The following TPO variants were observed in gnomAD, a reference collection of about 807,000 sequenced individuals.
The protein encoded by TPO is thyroid peroxidase, also known as thyroid microsomal antigen.
Under a neutral mutation model 96.9 loss-of-function variants are expected in TPO, and 78 were observed. That is an observed-to-expected ratio of 0.81 (90% confidence interval 0.67 to 0.97). The LOEUF (loss-of-function observed/expected upper bound fraction) is 0.97. Among genes scored for constraint, TPO ranks in the 50% least tolerant of loss-of-function variants. TPO has a pLI of 0.00. For missense variants in TPO, 1,252 were observed against 1,274.8 expected, an observed-to-expected ratio of 0.98 and a Z score of 0.27; for synonymous variants, 547 against 538.0, an observed-to-expected ratio of 1.02 and a Z score of -0.23.
intron 3 of TPO, among the ~76,000 whole-genome samples, chr2:1,425,610 G>C (rs1290132743): frequency 1.3e-5 from 2 of 152,094 alleles, no homozygotes; most frequent in Non-Finnish European, 2.9e-5. Context: ...TAGATGCCAG[G>C]ATACAGAGAT....
intron 15 of TPO, among the ~76,000 whole-genome samples, chr2:1,536,649 C>CA (rs1271109250): frequency 1.2e-5 from 1 of 82,664 alleles, no homozygotes; most frequent in African/African-American, 4.5e-5. Context: ...AATCCCCCCC[C>CA]CCACTGTGTG....
intron 3 of TPO, among the ~76,000 whole-genome samples, chr2:1,426,532 G>T (rs889777772): frequency 2.0e-5 from 3 of 151,266 alleles, no homozygotes; most frequent in African/African-American, 4.9e-5. Context: ...TAAAGTCATT[G>T]TTCTAGATGC....
intron 2 of TPO, among the ~76,000 whole-genome samples, chr2:1,418,035 C>T (rs1224281055): frequency 6.6e-6 from 1 of 152,342 alleles, no homozygotes; most frequent in East Asian, 1.9e-4. Flanking sequence ...GCAATCCCAA[C>T]ACTTTGGGAG....
chr2:1,497,991 C>CAA (rs543921082), intron 13 of TPO, among the ~76,000 whole-genome samples: 28,348 of 86,850 alleles, frequency 0.33, 4,055 homozygotes, highest in Non-Finnish European at 0.36. Context: ...CCCCATCTAC[C>CAA]AAAAAAAAAA....
intron 3 of TPO, among the ~76,000 whole-genome samples, chr2:1,430,619 A>G (rs116577847): frequency 6.6e-6 from 1 of 152,196 alleles, no homozygotes; most frequent in African/African-American, 2.4e-5. Context: ...CAAGTGCTCA[A>G]CTCCAACCCA....
chr2:1,460,250 C>A (rs1668296114), intron 7 of TPO, among the ~76,000 whole-genome samples: 1 of 152,108 alleles, frequency 6.6e-6, no homozygotes. Context: ...TGTTATTCTT[C>A]ACCACTCAGG....
chr2:1,405,937 C>G (rs1015647053), intron 1 of TPO, among the ~76,000 whole-genome samples: 1 of 152,214 alleles, frequency 6.6e-6, no homozygotes, highest in African/African-American at 2.4e-5. Context: ...TCTACAGTCA[C>G]CACAATACAA....
At chr2:1,446,187 G>C (rs1008048558) in intron 5 of TPO, among the ~76,000 whole-genome samples, 1 of 152,166 alleles carries the variant, frequency 6.6e-6, no homozygotes, top group Non-Finnish European at 1.5e-5. Context: ...CCTAGGTTTT[G>C]ACATCTACCC....
intron 8 of TPO, among the ~76,000 whole-genome samples, chr2:1,483,337 G>C (rs1459368547): frequency 6.6e-6 from 1 of 152,244 alleles, no homozygotes; most frequent in East Asian, 1.9e-4. Context: ...AGAAGGGGAA[G>C]AGGTGTCTTC....
At position 1,506,391 on chromosome 2, in the gene TPO, G is replaced by A. The variant is rs1431795981; in HGVS notation, c.2518+2312G>A. Among the ~76,000 whole-genome samples, 15 of 152,248 alleles carry A rather than the reference G, an allele frequency of 9.9e-5. No individual in the cohort carries two copies. The South Asian group carries it at 1.0e-3, about 11-fold the overall frequency. ...CAGCATGATTTATAGTCCTTTGGGT[G>A]TATACCCAGTAATGGGATTGCTGGG... On this transcript the variant is annotated intron_variant, in intron 14 of 16. Coordinates refer to ENST00000329066, the MANE Select transcript of TPO (RefSeq NM_001206744.2).
intron 2 of TPO, 76 bp downstream of exon 2, chr2:1,414,578 G>A (rs1329463420): frequency 7.2e-7 from 1 of 1,392,024 alleles, no homozygotes; most frequent in Non-Finnish European, 1.0e-6. Flanking sequence ...AGGGCATAAT[G>A]GTAGCTCCTG....
Position 1,456,101 on chromosome 2 carries a change from T to A in TPO, c.638T>A (p.Ile213Asn). The A allele has an allele frequency of 1.2e-6, 2 of 1,614,000 alleles. No individual in the cohort carries two copies. Among genetic ancestry groups the A allele is most frequent in the Non-Finnish European group, 1.7e-6 (2 of 1,180,020 alleles). Residue 213 changes from isoleucine (I) to asparagine (N), a missense_variant, in exon 7 of 17, where the codon ATT (isoleucine) becomes AAT (asparagine). Physicochemically the swap from Ile to Asn is moderately radical, Grantham distance 149 (BLOSUM62 -3). Transcript: ENST00000329066. ...GTCCGGGAGGTGACAAGACATGTCATTCAAGTTTCAAATGAGGTTGTCACA... is the reference window on the plus strand; with the variant it reads ...GTCCGGGAGGTGACAAGACATGTCAATCAAGTTTCAAATGAGGTTGTCACA... ...PPVREVTRHV[I>N]QVSNEVVTDD...
intron 15 of TPO, among the ~76,000 whole-genome samples, chr2:1,524,986 CT>C (rs1676102726): frequency 8.0e-6 from 1 of 124,306 alleles, no homozygotes; most frequent in Non-Finnish European, 1.7e-5. Flanking sequence ...TGTGTGCAAC[CT>C]CCCCAAATCC....
chr2:1,448,536 C>T lies in TPO; in HGVS notation c.483-5158C>T, dbSNP rs1300545642. On this transcript the variant is annotated intron_variant, in intron 5 of 16. Coordinates refer to ENST00000329066, the MANE Select transcript of TPO (RefSeq NM_001206744.2). ...GGCAGCACTTGTCAGGCTCCTTGCA[C>T]GCTGTCCACAGCCGGCCATCGTAAG... 2.0e-5 allele frequency among the ~76,000 whole-genome samples: 3 copies of T among 152,206 alleles called. No individual in the cohort carries two copies. In the South Asian group the frequency reaches 6.2e-4, roughly 31 times the overall value.
chr2:1,499,463 T>C (rs1185239691), intron 13 of TPO, among the ~76,000 whole-genome samples: 10 of 152,116 alleles, frequency 6.6e-5, no homozygotes, highest in African/African-American at 2.4e-4. Context: ...GTCTGGGTGC[T>C]CCCCAGGGTG....
intron 15 of TPO, among the ~76,000 whole-genome samples, chr2:1,520,682 C>T (rs543519912): frequency 2.0e-5 from 3 of 152,250 alleles, no homozygotes; most frequent in Admixed American, 6.5e-5. Context: ...TAAAATACCT[C>T]CACGGTATTA....
intron 2 of TPO, among the ~76,000 whole-genome samples, chr2:1,420,405 GA>G (rs1663388446): frequency 6.6e-6 from 1 of 152,168 alleles, no homozygotes; most frequent in Admixed American, 6.5e-5. Context: ...GCCCTGAAGA[GA>G]CTCTCAGTGA....
rs2071403 is a variant in TPO at position 1,413,472 on chromosome 2, A to G, written c.-75A>G. 0.57 allele frequency: 91,907 copies of G among 162,578 alleles called. 26,357 individuals are homozygous for G. Among genetic ancestry groups the G allele is most frequent in the Admixed American group, 0.66 (10,175 of 15,306 alleles). 10.1% of individuals were successfully genotyped at this position (162,578 alleles called of 1,614,324 possible). A position where few individuals can be genotyped will look rare whatever the true frequency, so the allele number is the denominator to read the frequency against. ...GTAACCAAGTCCCTGGAAGGCAATT[A>G]AGGCGCCCATTTCAGAAGAGTTACA... On this transcript the variant is annotated 5_prime_UTR_variant, in exon 1 of 17. Transcript: ENST00000329066.
At chr2:1,421,746 A>G (rs1253079333) in intron 2 of TPO, among the ~76,000 whole-genome samples, 1 of 152,202 alleles carries the variant, frequency 6.6e-6, no homozygotes, top group East Asian at 1.9e-4. Context: ...AGAAATCTCC[A>G]TAAAGCCCGG....
Sources: gnomAD v4.1 joint callset for allele counts (sites outside exome capture counted in the v4.1 genomes callset) on GRCh38, gnomAD v4.1.1 for gene constraint, MANE v1.5 for transcripts, NCBI Gene and HGNC (gene_info 2026-07-23, HGNC 2026-07-21) for gene names.